FAM171A1: variants seen among roughly 807,000 people sequenced by gnomAD.
The protein encoded by FAM171A1 is protein FAM171A1.
FAM171A1 carries 23 observed loss-of-function variants against 74.9 expected under a neutral mutation model. The observed-to-expected ratio is 0.31, with a 90% confidence interval of 0.22 to 0.44. The LOEUF (loss-of-function observed/expected upper bound fraction) is 0.44. Ranked by LOEUF, FAM171A1 falls within the 20% of genes least tolerant of loss-of-function variation. FAM171A1 has a pLI of 1.00. For missense variants in FAM171A1, 1,162 were observed against 1,159.2 expected, an observed-to-expected ratio of 1.00 and a Z score of -0.03; for synonymous variants, 527 against 505.7, an observed-to-expected ratio of 1.04 and a Z score of -0.57.
At chr10:15,295,770 A>G (rs2131821942) in intron 1 of FAM171A1, among the ~76,000 whole-genome samples, 1 of 152,242 alleles carries the variant, frequency 6.6e-6, no homozygotes, top group East Asian at 1.9e-4. Context: ...AAATGCTCTC[A>G]CCCCAAGTAG....
rs190589922 is a variant in FAM171A1, at chr10:15,325,118, T to C, written c.98-41013A>G. Among the ~76,000 whole-genome samples the C allele has an allele frequency of 6.6e-4, 100 of 152,364 alleles. 1 individual carries two copies. Among genetic ancestry groups the C allele is most frequent in the Admixed American group, 3.1e-3 (48 of 15,300 alleles). ...TTCCCTGACAGCCAGGGGAGTTCTA[T>C]GTCCTCTTTGGTGCAAAATGTATGC... is the stretch of plus-strand genomic sequence containing the variant. On this transcript the variant is annotated intron_variant, in intron 1 of 7. Transcript: ENST00000378116.
intron 1 of FAM171A1, among the ~76,000 whole-genome samples, chr10:15,314,044 T>C (rs763097102): frequency 2.0e-5 from 3 of 152,202 alleles, no homozygotes; most frequent in Admixed American, 6.5e-5. Context: ...TGGCAGATAT[T>C]TCCTGTTGAC....
chr10:15,243,084 C>T (rs1192102808), intron 5 of FAM171A1, among the ~76,000 whole-genome samples: 1 of 152,172 alleles, frequency 6.6e-6, no homozygotes, highest in African/African-American at 2.4e-5. Flanking sequence ...TCAAGGAGTC[C>T]ACAGGGCCGG....
At chr10:15,301,492 C>T (rs895982896) in intron 1 of FAM171A1, among the ~76,000 whole-genome samples, 4 of 152,078 alleles carry the variant, frequency 2.6e-5, no homozygotes, top group African/African-American at 9.7e-5. Flanking sequence ...CATGAGCCAC[C>T]TTGCCGGGCC....
At chr10:15,240,636 G>C (rs1834351943) in intron 5 of FAM171A1, 1 of 872,100 alleles carries the variant, frequency 1.1e-6, no homozygotes, top group African/African-American at 1.8e-5. Flanking sequence ...GTTTGAAAGA[G>C]AGCATCTCTA....
At chr10:15,242,687 G>T (rs1007325092) in intron 5 of FAM171A1, among the ~76,000 whole-genome samples, 6 of 152,122 alleles carry the variant, frequency 3.9e-5, no homozygotes, top group Admixed American at 3.3e-4. Flanking sequence ...GCTACTCAGG[G>T]GGCTGAGGTG....
chr10:15,289,367 C>T (rs534915761), intron 1 of FAM171A1, among the ~76,000 whole-genome samples: 1 of 152,116 alleles, frequency 6.6e-6, no homozygotes, highest in African/African-American at 2.4e-5. Context: ...CTGAGGACCC[C>T]GCTGAGTTGG....
chr10:15,301,362 A>ATATATTT (rs575709720), intron 1 of FAM171A1, among the ~76,000 whole-genome samples: 1,649 of 141,480 alleles, frequency 0.012, 44 homozygotes, highest in East Asian at 0.082. Flanking sequence ...ATATATATAT[A>ATATATTT]TTTTTTTTTT....
At chr10:15,353,492 A>G (rs879703679) in intron 1 of FAM171A1, among the ~76,000 whole-genome samples, 4 of 152,150 alleles carry the variant, frequency 2.6e-5, no homozygotes, top group Non-Finnish European at 5.9e-5. Context: ...AAATAGACGT[A>G]TGGCTCTACA....
At chr10:15,348,667 C>T (rs1295376978) in intron 1 of FAM171A1, among the ~76,000 whole-genome samples, 1 of 152,156 alleles carries the variant, frequency 6.6e-6, no homozygotes, top group Non-Finnish European at 1.5e-5. Context: ...CACGGAAGAG[C>T]TTGTTAACAG....
At chr10:15,218,485 T>G (rs1323355291) in intron 6 of FAM171A1, among the ~76,000 whole-genome samples, 1 of 152,228 alleles carries the variant, frequency 6.6e-6, no homozygotes, top group African/African-American at 2.4e-5. Flanking sequence ...GTTGTTGCTT[T>G]TGAGTTCATG....
At position 15,248,770 on chromosome 10, in the gene FAM171A1, A is replaced by G; in HGVS notation, c.623T>C (p.Val208Ala). 1 of 1,613,302 alleles carries G rather than the reference A, an allele frequency of 6.2e-7. No homozygotes were observed. Among genetic ancestry groups the G allele is most frequent in the Non-Finnish European group, 8.5e-7 (1 of 1,179,576 alleles). Residue 208 changes from valine to alanine, a missense_variant, in exon 5 of 8, where the codon GTC becomes GCC. By Grantham distance (64) the Val-to-Ala change is moderately conservative. Transcript: ENST00000378116. ...CGTTCCATTACTGCTCAGCAAGTGG[A>G]CGCTGACGGCTGTGACTGGGGTCAG... The part of the protein sequence containing the change: ...HDLTPVTAVS[V>A]HLLSSNGTPV...
Position 15,371,001 on chromosome 10 carries a change from TC to T in FAM171A1, c.51del (p.Trp17Ter). 1 of 1,191,486 alleles carries T rather than the reference TC, an allele frequency of 8.4e-7. No homozygotes were observed. The highest frequency in any genetic ancestry group is 1.1e-6 in the Non-Finnish European group (1 of 939,148). 73.8% of individuals were successfully genotyped at this position (1,191,486 alleles called of 1,614,324 possible). ...LLLCLLGCHV[W>X]KAVTKTLREP... ...TCCCGCAGCGTCTTGGTCACCGCCTTCCAGACGTGGCAGCCCAGCAGGCACA... is the reference window on the plus strand; with the variant it reads ...TCCCGCAGCGTCTTGGTCACCGCCTTCAGACGTGGCAGCCCAGCAGGCACA... On this transcript the variant is annotated frameshift_variant, in exon 1 of 8. Coordinates refer to ENST00000378116, the MANE Select transcript of FAM171A1 (RefSeq NM_001010924.2). LOFTEE classifies it high-confidence loss of function.
At chr10:15,316,958 G>A (rs554369936) in intron 1 of FAM171A1, among the ~76,000 whole-genome samples, 8 of 152,194 alleles carry the variant, frequency 5.3e-5, no homozygotes, top group East Asian at 1.9e-4. Context: ...CAGTGGGTCC[G>A]GGTGATGCAA....
chr10:15,263,552 G>A (rs17156480), intron 3 of FAM171A1, among the ~76,000 whole-genome samples: 18,177 of 152,136 alleles, frequency 0.12, 1,339 homozygotes, highest in African/African-American at 0.2. Context: ...CTACGTGGGG[G>A]AATATCCCTC....
At chr10:15,228,421 C>A (rs1834137985) in intron 5 of FAM171A1, among the ~76,000 whole-genome samples, 1 of 149,182 alleles carries the variant, frequency 6.7e-6, no homozygotes, top group East Asian at 2.0e-4. Context: ...TGGCTCACTG[C>A]AACCTCTGGT....
chr10:15,269,718 A>C (rs944225041), intron 3 of FAM171A1, among the ~76,000 whole-genome samples: 1 of 152,234 alleles, frequency 6.6e-6, no homozygotes, highest in Non-Finnish European at 1.5e-5. Context: ...TGGCCCAAAC[A>C]AGATGAACAT....
chr10:15,217,496 C>T (rs7085072), intron 6 of FAM171A1, among the ~76,000 whole-genome samples: 75,105 of 151,984 alleles, frequency 0.49, 20,494 homozygotes, highest in African/African-American at 0.74. Flanking sequence ...TTTTTGAAAA[C>T]AGTGATGTTA....
chr10:15,240,503 A>G (rs1588506742), intron 5 of FAM171A1, among the ~76,000 whole-genome samples: 1 of 152,232 alleles, frequency 6.6e-6, no homozygotes, highest in Admixed American at 6.5e-5. Flanking sequence ...TAATGAATAT[A>G]TAGGTTGAAA....
Sources: gnomAD v4.1 joint callset for allele counts (sites outside exome capture counted in the v4.1 genomes callset) on GRCh38, gnomAD v4.1.1 for gene constraint, MANE v1.5 for transcripts, NCBI Gene and HGNC (gene_info 2026-07-23, HGNC 2026-07-21) for gene names.